Variants in ADCY9 observed in about 807,000 individuals in gnomAD.
The protein encoded by ADCY9 is adenylate cyclase 9, also known as adenylate cyclase type 9.
ADCY9 carries 50 observed loss-of-function variants against 101.5 expected under a neutral mutation model. The observed-to-expected ratio is 0.49, with a 90% CI of 0.39 to 0.62. The LOEUF (loss-of-function observed/expected upper bound fraction) is 0.62, where lower values mean the gene tolerates loss of function less well. Among genes scored for constraint, ADCY9 ranks in the 20% least tolerant of loss-of-function variants. The pLI is 0.00. For missense variants in ADCY9, 1,662 were observed against 1,800.4 expected, an observed-to-expected ratio of 0.92 and a Z score of 1.39; for synonymous variants, 905 against 769.3, an observed-to-expected ratio of 1.18 and a Z score of -2.92.
chr16:4,054,298 T>C (rs2601827), intron 2 of ADCY9: 115,479 of 151,832 alleles, frequency 0.76, 44,250 homozygotes, highest in African/African-American at 0.82. Context: ...CGCCCTTCCC[T>C]CCGCCCCCGA....
At chr16:3,958,603 T>C (rs1220317964), downstream of ADCY9, among the ~76,000 whole-genome samples, 1 of 148,994 alleles carries the variant, frequency 6.7e-6, no homozygotes, top group Admixed American at 6.7e-5. Context: ...GCAGCTGCCA[T>C]GAGCTCCTTC....
At chr16:3,985,940 C>T (rs2056188849) in intron 6 of ADCY9, among the ~76,000 whole-genome samples, 1 of 148,922 alleles carries the variant, frequency 6.7e-6, no homozygotes, top group African/African-American at 2.5e-5. Flanking sequence ...GAGAACGACG[C>T]TCCCCCACAT....
At chr16:4,091,508 C>T (rs577747327) in intron 2 of ADCY9, among the ~76,000 whole-genome samples, 3 of 152,150 alleles carry the variant, frequency 2.0e-5, no homozygotes, top group East Asian at 3.8e-4. Context: ...AACGTGTACA[C>T]GAGTGTTCCC....
chr16:3,959,981 G>A (rs879468191), downstream of ADCY9, among the ~76,000 whole-genome samples: 24 of 152,128 alleles, frequency 1.6e-4, no homozygotes, highest in Non-Finnish European at 2.2e-4. Flanking sequence ...AGCTGAGATC[G>A]TGCCACTGCA....
At chr16:4,006,277 AC>A (rs57574818) in intron 3 of ADCY9, among the ~76,000 whole-genome samples, 8,189 of 152,214 alleles carry the variant, frequency 0.054, 384 homozygotes, top group African/African-American at 0.13. Flanking sequence ...ACACATGACT[AC>A]CTGGTCCAAA....
chr16:4,111,558 G>C (rs1459691806), intron 2 of ADCY9, among the ~76,000 whole-genome samples: 2 of 152,180 alleles, frequency 1.3e-5, no homozygotes, highest in Admixed American at 6.5e-5. Flanking sequence ...TGTAAGGACA[G>C]TTTCCAAAAG....
chr16:3,956,191 C>T (rs1334061164), intron 5 of ADCY9, among the ~76,000 whole-genome samples: 1 of 152,134 alleles, frequency 6.6e-6, no homozygotes, highest in Admixed American at 6.6e-5. Context: ...TGAGCAACTG[C>T]ACCCAGGCAA....
chr16:3,996,524 G>A (rs570332813), intron 3 of ADCY9, among the ~76,000 whole-genome samples: 133 of 152,312 alleles, frequency 8.7e-4, no homozygotes, highest in African/African-American at 3.2e-3. Context: ...CTAAGGTGGG[G>A]GGCTTGGTGC....
chr16:4,070,883 G>T (rs897424406), intron 2 of ADCY9, among the ~76,000 whole-genome samples: 2 of 152,048 alleles, frequency 1.3e-5, no homozygotes, highest in Non-Finnish European at 2.9e-5. Context: ...GAAGGTCAAG[G>T]CTTCAGTGAG....
At chr16:4,078,000 G>GA (rs34323189) in intron 2 of ADCY9, among the ~76,000 whole-genome samples, 67,426 of 140,036 alleles carry the variant, frequency 0.48, 16,182 homozygotes, top group East Asian at 0.59. Context: ...CTCTGCTTCA[G>GA]AAAAAAAAAA....
intron 2 of ADCY9, among the ~76,000 whole-genome samples, chr16:4,065,623 G>A (rs2056796523): frequency 6.6e-6 from 1 of 152,214 alleles, no homozygotes; most frequent in South Asian, 2.1e-4. Flanking sequence ...CCAGGCTGCA[G>A]GGCAATGGCG....
At chr16:3,986,740 G>A (rs926294204) in intron 6 of ADCY9, among the ~76,000 whole-genome samples, 1 of 152,196 alleles carries the variant, frequency 6.6e-6, no homozygotes, top group Non-Finnish European at 1.5e-5. Flanking sequence ...TTACAGGCAT[G>A]AGCCACCGCG....
chr16:4,054,708 C>T (rs1326667386), intron 2 of ADCY9, among the ~76,000 whole-genome samples: 1 of 151,944 alleles, frequency 6.6e-6, no homozygotes. Context: ...GTAGCTGGGA[C>T]TACAGGTGCC....
chr16:4,095,695 G>C (rs1335386568), intron 2 of ADCY9, among the ~76,000 whole-genome samples: 1 of 152,050 alleles, frequency 6.6e-6, no homozygotes, highest in Non-Finnish European at 1.5e-5. Context: ...AGGATTCCCA[G>C]ACCAGGCACC....
chr16:3,997,249 T>C (rs1261587240), intron 3 of ADCY9, among the ~76,000 whole-genome samples: 1 of 152,226 alleles, frequency 6.6e-6, no homozygotes, highest in African/African-American at 2.4e-5. Flanking sequence ...TCTAAGCATT[T>C]AGAGCCATGA....
At chr16:3,974,596 G>T in intron 10 of ADCY9, 73 bp downstream of exon 10, 1 of 1,261,474 alleles carries the variant, frequency 7.9e-7, no homozygotes, top group South Asian at 1.3e-5. Context: ...TTGTTTTCAG[G>T]AAGCTTCGAA....
downstream of ADCY9, among the ~76,000 whole-genome samples, chr16:3,961,605 C>T: frequency 1.3e-5 from 2 of 152,266 alleles, no homozygotes; most frequent in East Asian, 3.9e-4. Flanking sequence ...TGGCCCCGGG[C>T]TCCAGCAGAG....
At chr16:4,034,040 T>A (rs1012442092) in intron 2 of ADCY9, among the ~76,000 whole-genome samples, 1 of 152,032 alleles carries the variant, frequency 6.6e-6, no homozygotes, top group Non-Finnish European at 1.5e-5. Flanking sequence ...AACGAAAGAT[T>A]TGGTGGGTTT....
At chr16:4,007,764 C>T (rs114096429) in intron 2 of ADCY9, among the ~76,000 whole-genome samples, 7 of 152,016 alleles carry the variant, frequency 4.6e-5, no homozygotes, top group Non-Finnish European at 1.0e-4. Flanking sequence ...AGACACACCA[C>T]TCACCCACGT....
Sources: allele counts gnomAD v4.1 joint callset (sites outside exome capture counted in the v4.1 genomes callset), GRCh38; gene constraint gnomAD v4.1.1; transcripts MANE v1.5; gene names NCBI Gene and HGNC (gene_info 2026-07-23, HGNC 2026-07-21).